Variants in HAVCR2 observed in about 807,000 individuals in gnomAD.
The protein encoded by HAVCR2 is T cell immunoglobulin mucin 3.
HAVCR2 carries 13 observed loss-of-function variants against 24.7 expected under a neutral mutation model. The observed-to-expected ratio is 0.53, with a 90% CI of 0.34 to 0.84. The LOEUF (loss-of-function observed/expected upper bound fraction) is 0.84. Ranked by LOEUF, HAVCR2 falls within the 40% of genes least tolerant of loss-of-function variation. The pLI, the probability that HAVCR2 is intolerant of heterozygous loss-of-function variation, is 0.01. For synonymous variants in HAVCR2, 154 were observed against 143.4 expected, an observed-to-expected ratio of 1.07 and a Z score of -0.53; for missense variants, 343 against 371.2, an observed-to-expected ratio of 0.92 and a Z score of 0.62.
At chr5:157,106,550 A>G (rs2113695762) in intron 2 of HAVCR2, 77 bp downstream of exon 2, 2 of 1,270,876 alleles carry the variant, frequency 1.6e-6, no homozygotes, top group South Asian at 1.3e-5. Context: ...GAAGTCAGAG[A>G]TGAGAACAAT....
chr5:157,095,545 C>T, intron 4 of HAVCR2, 86 bp from the exon 5 acceptor site: 2 of 1,429,566 alleles, frequency 1.4e-6, no homozygotes, highest in Non-Finnish European at 9.7e-7. Flanking sequence ...TTGGACCATC[C>T]CTTTTACAAC....
intron 5 of HAVCR2, among the ~76,000 whole-genome samples, chr5:157,094,065 T>C (rs1757055818): frequency 6.8e-6 from 1 of 147,722 alleles, no homozygotes; most frequent in Non-Finnish European, 1.5e-5. Flanking sequence ...TTTTGGAGAC[T>C]GTCTTATTCT....
intron 3 of HAVCR2, among the ~76,000 whole-genome samples, chr5:157,101,094 C>CA (rs1757160666): frequency 6.6e-6 from 1 of 151,302 alleles, no homozygotes; most frequent in African/African-American, 2.4e-5. Flanking sequence ...GACTCCATAT[C>CA]AAAAAAATAA....
At chr5:157,092,735 C>T (rs576801791) in intron 5 of HAVCR2, among the ~76,000 whole-genome samples, 9 of 151,758 alleles carry the variant, frequency 5.9e-5, no homozygotes, top group African/African-American at 1.9e-4. Flanking sequence ...CGTAAGCCAC[C>T]GTGCTCAGCC....
intron 1 of HAVCR2, 149 bp downstream of exon 1, chr5:157,108,777 T>A (rs1289616136): frequency 3.5e-6 from 2 of 568,388 alleles, no homozygotes; most frequent in East Asian, 5.5e-5. Flanking sequence ...TATATCACAT[T>A]TATTTACCCA....
At position 157,092,878 on chromosome 5, in the gene HAVCR2, C is replaced by CAAAAAAAAAAAA. The variant is rs556443053; in HGVS notation, c.676+2416_676+2427dup. On this transcript the variant is annotated intron_variant, in intron 5 of 6. Coordinates refer to ENST00000307851, the MANE Select transcript of HAVCR2 (RefSeq NM_032782.5). The stretch of plus-strand genomic sequence containing the variant: ...CAACATGGCAAAACCCTGTCTCTAC[C>CAAAAAAAAAAAA]AAAAAAAAAAAAAAAAAAAAAAAAA... Among the ~76,000 whole-genome samples the CAAAAAAAAAAAA allele has an allele frequency of 2.7e-3, 121 of 44,032 alleles. 27 individuals are homozygous for CAAAAAAAAAAAA. The highest frequency in any genetic ancestry group is 3.8e-3 in the East Asian group (5 of 1,302). The allele number at this position is 44,032 out of a possible 152,430, so 28.9% of individuals were successfully genotyped here. A position where few individuals can be genotyped will look rare whatever the true frequency, so the allele number is the denominator to read the frequency against.
chr5:157,093,378 AGAATTTAAT>A (rs1407572716), intron 5 of HAVCR2, among the ~76,000 whole-genome samples: 1 of 152,188 alleles, frequency 6.6e-6, no homozygotes, highest in Non-Finnish European at 1.5e-5. Context: ...GGTAGTTACG[AGAATTTAAT>A]GCACGTAAAG....
chr5:157,104,886 T>G (rs1296609980), intron 2 of HAVCR2, 137 bp from the exon 3 acceptor site: 12 of 577,164 alleles, frequency 2.1e-5, no homozygotes. Flanking sequence ...CAAACCTGCC[T>G]GGATACCTAC....
intron 5 of HAVCR2, among the ~76,000 whole-genome samples, chr5:157,092,811 GAGGATC>G (rs1757023843): frequency 1.4e-5 from 2 of 138,448 alleles, no homozygotes; most frequent in Admixed American, 1.6e-4. Flanking sequence ...GCTGAAGTAG[GAGGATC>G]ACCTGAGCTC....
At chr5:157,100,355 A>C (rs1246980469) in intron 3 of HAVCR2, among the ~76,000 whole-genome samples, 1 of 152,162 alleles carries the variant, frequency 6.6e-6, no homozygotes, top group Non-Finnish European at 1.5e-5. Context: ...CCCTTACCTC[A>C]GTGCTGTCAT....
chr5:157,106,885 C>A lies in HAVCR2; in HGVS notation c.136G>T (p.Gly46Trp), dbSNP rs1190700485. 2.5e-6 allele frequency: 4 copies of A among 1,614,076 alleles called. No individual in the cohort carries two copies. Among genetic ancestry groups the A allele is most frequent in the Non-Finnish European group, 3.4e-6 (4 of 1,180,036 alleles). Reference sequence around the variant, plus strand: ...CCCCAGCAGACGGGCACGAGGTTCCCTGGGGCGGCTGGGGTGTAGAAGCAG... The same window carrying A: ...CCCCAGCAGACGGGCACGAGGTTCCATGGGGCGGCTGGGGTGTAGAAGCAG... ...LPCFYTPAAP[G>W]NLVPVCWGKG... Residue 46 changes from glycine (G) to tryptophan (W), a missense_variant, in exon 2 of 7, where the codon GGG (glycine) becomes TGG (tryptophan). Physicochemically the swap from Gly to Trp is radical, Grantham distance 184. Coordinates refer to ENST00000307851, the MANE Select transcript of HAVCR2 (RefSeq NM_032782.5).
intron 1 of HAVCR2, 21 bp from the exon 2 acceptor site, chr5:157,106,983 A>G (rs773726708): frequency 2.3e-5 from 36 of 1,583,100 alleles, no homozygotes; most frequent in Non-Finnish European, 2.9e-5. Flanking sequence ...AGAGAAGGAG[A>G]GCCAAGACTC....
chr5:157,096,927 AACACACACACACACAC>A (rs34799337), intron 4 of HAVCR2, among the ~76,000 whole-genome samples: 4 of 142,862 alleles, frequency 2.8e-5, no homozygotes, highest in Non-Finnish European at 4.6e-5. Flanking sequence ...ATTTATACAA[AACACACACACACACAC>A]ACACACACAC....
At chr5:157,093,756 C>T (rs185888023) in intron 5 of HAVCR2, among the ~76,000 whole-genome samples, 2 of 152,130 alleles carry the variant, frequency 1.3e-5, no homozygotes, top group Admixed American at 6.5e-5. Flanking sequence ...AACATCTTGC[C>T]CAACATGGTG....
intron 5 of HAVCR2, among the ~76,000 whole-genome samples, chr5:157,090,880 T>C (rs560613578): frequency 1.3e-5 from 2 of 152,244 alleles, no homozygotes; most frequent in East Asian, 3.9e-4. Context: ...CTCCCTGTGC[T>C]GTGTCACCCA....
chr5:157,094,339 C>T (rs578130476), intron 5 of HAVCR2, among the ~76,000 whole-genome samples: 1 of 152,040 alleles, frequency 6.6e-6, no homozygotes, highest in South Asian at 2.1e-4. Flanking sequence ...GCCACTGCAC[C>T]TGGCCATTGT....
intron 5 of HAVCR2, among the ~76,000 whole-genome samples, chr5:157,090,118 TTTTC>T (rs1756974985): frequency 1.7e-5 from 2 of 120,060 alleles, no homozygotes; most frequent in Non-Finnish European, 3.4e-5. Flanking sequence ...CTTTCTTTTC[TTTTC>T]TTTTTTTTTT....
chr5:157,099,121 A>T (rs1466772947), intron 3 of HAVCR2, among the ~76,000 whole-genome samples: 1 of 152,196 alleles, frequency 6.6e-6, no homozygotes, highest in Non-Finnish European at 1.5e-5. Context: ...TTTCATCTAG[A>T]TAATGAACCG....
chr5:157,092,913 A>AAAAAAATAAAAAT (rs1561619880), intron 5 of HAVCR2, among the ~76,000 whole-genome samples: 3 of 123,030 alleles, frequency 2.4e-5, no homozygotes, highest in African/African-American at 9.3e-5. Flanking sequence ...AAAAAAAAAA[A>AAAAAAATAAAAAT]AAAAACTAGC....
Sources: allele counts gnomAD v4.1 joint callset (sites outside exome capture counted in the v4.1 genomes callset), GRCh38; gene constraint gnomAD v4.1.1; transcripts MANE v1.5; gene names NCBI Gene and HGNC (gene_info 2026-07-23, HGNC 2026-07-21).